Variants in ADGRL2 observed in about 807,000 individuals in gnomAD.
ADGRL2 encodes the protein adhesion G protein-coupled receptor L2.
ADGRL2 carries 44 observed loss-of-function variants against 157.4 expected under a neutral mutation model. The ratio of observed to expected loss-of-function variants is 0.28; its 90% CI spans 0.22 to 0.36. The LOEUF is 0.36. Ranked by LOEUF, ADGRL2 falls within the 10% of genes least tolerant of loss-of-function variation. The pLI is 1.00. For missense variants in ADGRL2, 1,510 were observed against 1,768.9 expected (o/e 0.85, Z 2.63); for synonymous variants, 585 against 624.7 (o/e 0.94, Z 0.95).
At chr1:81,360,648 C>T (rs2075961734) in intron 1 of ADGRL2, among the ~76,000 whole-genome samples, 1 of 151,688 alleles carries the variant, frequency 6.6e-6, no homozygotes, top group South Asian at 2.1e-4. Context: ...GGCATCATAG[C>T]CACCTTTTCT....
chr1:81,526,294 A>G (rs1557758953), intron 2 of ADGRL2, among the ~76,000 whole-genome samples: 2 of 152,230 alleles, frequency 1.3e-5, no homozygotes, highest in Non-Finnish European at 2.9e-5. Flanking sequence ...TGGTCTAGGA[A>G]TAATAAAAGT....
At chr1:81,683,965 C>CGT (rs2083176499) in intron 3 of ADGRL2, among the ~76,000 whole-genome samples, 2 of 151,566 alleles carry the variant, frequency 1.3e-5, no homozygotes, top group Admixed American at 6.6e-5. Context: ...TACAGGCGCA[C>CGT]GCCACCATGC....
chr1:81,355,402 T>G (rs913369450), intron 1 of ADGRL2, among the ~76,000 whole-genome samples: 6 of 152,082 alleles, frequency 3.9e-5, no homozygotes, highest in Non-Finnish European at 8.8e-5. Flanking sequence ...TGGTATACAA[T>G]TTTTAGAGTT....
intron 1 of ADGRL2, among the ~76,000 whole-genome samples, chr1:81,826,212 A>C (rs1395192554): frequency 6.6e-6 from 1 of 152,138 alleles, no homozygotes; most frequent in African/African-American, 2.4e-5. Flanking sequence ...AAAATCTGTT[A>C]CTTCATAGTA....
At chr1:81,621,847 G>C (rs1278807692) in intron 3 of ADGRL2, among the ~76,000 whole-genome samples, 1 of 137,862 alleles carries the variant, frequency 7.3e-6, no homozygotes, top group Non-Finnish European at 1.5e-5. Flanking sequence ...CAAATGGAGG[G>C]GCAAAGTCAT....
chr1:81,982,975 A>G (rs565919348), intron 19 of ADGRL2, among the ~76,000 whole-genome samples: 1 of 152,096 alleles, frequency 6.6e-6, no homozygotes, highest in East Asian at 1.9e-4. Context: ...TTTAATAACA[A>G]TGAACTTTAA....
chr1:81,406,394 A>G (rs2076854153), intron 1 of ADGRL2, among the ~76,000 whole-genome samples: 1 of 152,186 alleles, frequency 6.6e-6, no homozygotes, highest in African/African-American at 2.4e-5. Flanking sequence ...GAAGAAGTGA[A>G]ACCAATTTTG....
At chr1:81,606,613 A>T (rs904990464) in intron 3 of ADGRL2, among the ~76,000 whole-genome samples, 3 of 151,900 alleles carry the variant, frequency 2.0e-5, no homozygotes, top group African/African-American at 7.3e-5. Context: ...TTGGCTGTGA[A>T]CTCCATTTCT....
At chr1:81,409,954 A>G (rs1387135182) in intron 1 of ADGRL2, among the ~76,000 whole-genome samples, 1 of 152,174 alleles carries the variant, frequency 6.6e-6, no homozygotes, top group Non-Finnish European at 1.5e-5. Context: ...AGTAAGAAGA[A>G]CCTGCTTCCC....
intron 1 of ADGRL2, among the ~76,000 whole-genome samples, chr1:81,747,124 T>TAC (rs2085307261): frequency 6.9e-6 from 1 of 144,530 alleles, no homozygotes; most frequent in Non-Finnish European, 1.5e-5. Context: ...TATATGTGTA[T>TAC]ATATGTATAT....
rs1441283966 is a variant in ADGRL2 at position 81,993,087 on chromosome 1, A to ATATATATATAT, written c.*1943_*1944insATATATATATT. On this transcript the variant is annotated 3_prime_UTR_variant, in exon 24 of 24. Coordinates refer to ENST00000686636, the MANE Select transcript of ADGRL2 (RefSeq NM_001366006.2). ...TATATATATATATATATATATATAT[A>ATATATATATAT]TTTTTTTTTTTTTTTTTTTTTTTTT... 6.8e-5 allele frequency among the ~76,000 whole-genome samples: 2 copies of ATATATATATAT among 29,200 alleles called. No homozygotes were observed. Among genetic ancestry groups the ATATATATATAT allele is most frequent in the Non-Finnish European group, 1.1e-4 (2 of 18,336 alleles). 19.2% of individuals were successfully genotyped at this position (29,200 alleles called of 152,430 possible).
intron 2 of ADGRL2, among the ~76,000 whole-genome samples, chr1:81,550,547 CA>C (rs1025779488): frequency 3.3e-5 from 5 of 152,104 alleles, no homozygotes; most frequent in African/African-American, 1.2e-4. Context: ...ATTCACAAAG[CA>C]AAATAAAGAC....
intron 1 of ADGRL2, among the ~76,000 whole-genome samples, chr1:81,744,908 G>A (rs147644541): frequency 6.6e-6 from 1 of 152,128 alleles, no homozygotes. Context: ...ATGTTTCATT[G>A]TTTAAAATAT....
rs759850927 is a variant in ADGRL2 at position 81,970,399 on chromosome 1, A to G, written c.2819A>G (p.Tyr940Cys). The G allele has an allele frequency of 1.9e-6, 3 of 1,573,414 alleles. No individual in the cohort carries two copies. Among genetic ancestry groups the G allele is most frequent in the South Asian group, 1.2e-5 (1 of 84,590 alleles). Residue 940 changes from tyrosine (Y) to cysteine (C), a missense_variant, in exon 16 of 24, where the codon TAC becomes TGC. Around this residue, in one of 4 missense-constraint regions of ADGRL2, gnomAD observed 497 missense variants for 627.2 expected, o/e 0.79. Coordinates refer to ENST00000686636, the MANE Select transcript of ADGRL2 (RefSeq NM_001366006.2). ...AWMCLEGVQL[Y>C]LMLVEVFESE... ...ATGTGCCTAGAAGGTGTGCAGCTCT[A>G]CCTAATGTTAGTTGAAGTTTTTGAA...
At chr1:81,676,905 GT>G (rs2083004602) in intron 3 of ADGRL2, among the ~76,000 whole-genome samples, 1 of 150,854 alleles carries the variant, frequency 6.6e-6, no homozygotes, top group African/African-American at 2.4e-5. Context: ...TAGCCAGGAT[GT>G]TCTCGATCTC....
chr1:81,754,589 CTTTTCTT>C (rs1397820328), intron 1 of ADGRL2, among the ~76,000 whole-genome samples: 1 of 130,058 alleles, frequency 7.7e-6, no homozygotes, highest in African/African-American at 3.0e-5. Context: ...CTCTTTCTTT[CTTTTCTT>C]TTCTTTCTCC....
intron 3 of ADGRL2, among the ~76,000 whole-genome samples, chr1:81,908,342 C>T (rs1488068267): frequency 6.6e-6 from 1 of 152,184 alleles, no homozygotes; most frequent in Non-Finnish European, 1.5e-5. Context: ...CTCCTAACTA[C>T]TGGTAGCCAC....
At chr1:81,761,660 T>C (rs2085886034) in intron 1 of ADGRL2, among the ~76,000 whole-genome samples, 1 of 151,872 alleles carries the variant, frequency 6.6e-6, no homozygotes, top group East Asian at 1.9e-4. Context: ...CATAGTCATA[T>C]AATATATGTT....
Position 81,900,748 on chromosome 1 carries a change from T to C in ADGRL2, c.74-6269T>C, listed in dbSNP as rs187626375. On this transcript the variant is annotated intron_variant, in intron 2 of 23. Transcript: ENST00000686636. ...AGCAAGTAAATAACTGAGTCTGACT[T>C]GTAAACTACTTGAACTTTTAATACT... Among the ~76,000 whole-genome samples the C allele has an allele frequency of 4.6e-3, 699 of 152,292 alleles. 27 individuals are homozygous for C. Among genetic ancestry groups the C allele is most frequent in the Admixed American group, 0.042 (635 of 15,284 alleles).
Sources: gnomAD v4.1 joint callset for allele counts (sites outside exome capture counted in the v4.1 genomes callset) on GRCh38, gnomAD v4.1.1 for gene constraint, gnomAD v4.1.1 regional missense constraint, MANE v1.5 for transcripts, NCBI Gene and HGNC (gene_info 2026-07-23, HGNC 2026-07-21) for gene names.